The following PVT1 variants were observed in gnomAD, a reference collection of about 807,000 sequenced individuals.
The protein encoded by PVT1 is CXCR4/PVT1 fusion.
intron 3 of PVT1, among the ~76,000 whole-genome samples, chr8:127,901,846 C>A (rs968043524): frequency 1.3e-5 from 2 of 151,948 alleles, no homozygotes; most frequent in Non-Finnish European, 2.9e-5. Flanking sequence ...AAGCGATCCT[C>A]CTGCCTTGTT....
chr8:128,065,791 G>T (rs997615883), intron 4 of PVT1, among the ~76,000 whole-genome samples: 1 of 152,226 alleles, frequency 6.6e-6, no homozygotes, highest in African/African-American at 2.4e-5. Flanking sequence ...AGCCCACTGA[G>T]TTCCGACAAT....
chr8:127,925,863 A>G (rs1422294482), intron 3 of PVT1, among the ~76,000 whole-genome samples: 1 of 151,542 alleles, frequency 6.6e-6, no homozygotes, highest in Non-Finnish European at 1.5e-5. Flanking sequence ...CTGCTCTCGA[A>G]CTCCTGACCT....
chr8:127,890,998 G>A (rs1815594221), exon 3 of PVT1: 1 of 152,680 alleles, frequency 6.5e-6, no homozygotes, highest in Admixed American at 6.5e-5. Context: ...CTGGGCTTGA[G>A]GTGAGGCTGT....
intron 4 of PVT1, among the ~76,000 whole-genome samples, chr8:128,043,805 T>G (rs867142042): frequency 8.0e-6 from 1 of 124,324 alleles, no homozygotes; most frequent in Non-Finnish European, 1.6e-5. Context: ...CACACACACA[T>G]ACACAAGGAG....
chr8:127,816,991 G>C (rs1243305054), intron 2 of PVT1, among the ~76,000 whole-genome samples: 2 of 152,174 alleles, frequency 1.3e-5, no homozygotes, highest in African/African-American at 4.8e-5. Flanking sequence ...AAGGACATGT[G>C]AGTTGTTCGC....
At chr8:128,077,932 CAA>C (rs1213978059) in intron 5 of PVT1, among the ~76,000 whole-genome samples, 1 of 152,088 alleles carries the variant, frequency 6.6e-6, no homozygotes, top group East Asian at 1.9e-4. Flanking sequence ...GGGGTAGAAA[CAA>C]AAATAAATTT....
At chr8:127,830,535 T>C (rs1335183195) in intron 2 of PVT1, among the ~76,000 whole-genome samples, 1 of 151,872 alleles carries the variant, frequency 6.6e-6, no homozygotes, top group Non-Finnish European at 1.5e-5. Flanking sequence ...ATTGTGCCAA[T>C]AGGACTTGCA....
chr8:127,971,912 C>T lies in PVT1; in HGVS notation n.783-17250C>T, dbSNP rs12675767. ...GTAGAATGCTGGTCTTCGGACAGTC[C>T]GGCCAAGTGAGACTGTCAGGCAGAT... On this transcript the variant is annotated intron_variant and non_coding_transcript_variant, in intron 3 of 10. Coordinates refer to ENST00000651587, the Ensembl canonical transcript of PVT1. Among the ~76,000 whole-genome samples, 128 of 152,246 alleles carry T rather than the reference C, an allele frequency of 8.4e-4. No individual in the cohort carries two copies. In the East Asian group the frequency reaches 0.018, roughly 21 times the overall value.
At chr8:127,976,357 G>A (rs946288781) in intron 3 of PVT1, among the ~76,000 whole-genome samples, 1 of 152,176 alleles carries the variant, frequency 6.6e-6, no homozygotes, top group Non-Finnish European at 1.5e-5. Flanking sequence ...TAATAAACAA[G>A]AGGATGAATA....
chr8:128,074,386 G>A (rs1204582611), intron 5 of PVT1, among the ~76,000 whole-genome samples: 1 of 151,974 alleles, frequency 6.6e-6, no homozygotes, highest in Non-Finnish European at 1.5e-5. Context: ...AGTGGGGTGT[G>A]GTGGTGCATG....
At chr8:127,865,252 G>T (rs1586412750) in intron 2 of PVT1, among the ~76,000 whole-genome samples, 1 of 152,156 alleles carries the variant, frequency 6.6e-6, no homozygotes, top group Non-Finnish European at 1.5e-5. Context: ...AAGGTGGTAG[G>T]TGCCAATCTG....
At chr8:127,910,535 G>T (rs1005615100) in intron 3 of PVT1, among the ~76,000 whole-genome samples, 1 of 152,150 alleles carries the variant, frequency 6.6e-6, no homozygotes, top group Non-Finnish European at 1.5e-5. Context: ...ATCTCTGTGT[G>T]ATTGATAACT....
chr8:127,969,521 G>A (rs1359767089), intron 3 of PVT1, among the ~76,000 whole-genome samples: 3 of 152,104 alleles, frequency 2.0e-5, no homozygotes, highest in African/African-American at 4.8e-5. Flanking sequence ...CTGGGGGCTC[G>A]AGTCATCCTC....
chr8:127,817,808 C>T (rs28617188), intron 2 of PVT1, among the ~76,000 whole-genome samples: 1 of 151,370 alleles, frequency 6.6e-6, no homozygotes, highest in South Asian at 2.1e-4. Context: ...GGGAGAATTG[C>T]TTGAGCCTGG....
At chr8:128,060,785 T>C (rs1195219032) in intron 4 of PVT1, among the ~76,000 whole-genome samples, 1 of 152,226 alleles carries the variant, frequency 6.6e-6, no homozygotes, top group Non-Finnish European at 1.5e-5. Flanking sequence ...TTTGTTAAGA[T>C]ATAATTTACA....
rs16902457 is a variant in PVT1, at chr8:127,906,365, A to G, written n.782+15367A>G. 7.8e-3 allele frequency among the ~76,000 whole-genome samples: 1,185 copies of G among 152,276 alleles called. 31 individuals carry two copies. In the East Asian group the frequency reaches 0.098, roughly 13 times the overall value. On this transcript the variant is annotated intron_variant and non_coding_transcript_variant, in intron 3 of 10. Coordinates refer to ENST00000651587, the Ensembl canonical transcript of PVT1. ...TGCTCTCTAGTTAGCACCAAAATAAATCCTCCAAATGGCTTTGAGCCTTCC... is the reference window on the plus strand; with the variant it reads ...TGCTCTCTAGTTAGCACCAAAATAAGTCCTCCAAATGGCTTTGAGCCTTCC...
intron 3 of PVT1, among the ~76,000 whole-genome samples, chr8:127,959,270 T>A (rs1045378830): frequency 6.6e-6 from 1 of 152,180 alleles, no homozygotes; most frequent in African/African-American, 2.4e-5. Flanking sequence ...TTCTAAATAT[T>A]CTACACTCTG....
intron 4 of PVT1, among the ~76,000 whole-genome samples, chr8:128,035,318 C>T (rs777155989): frequency 7.5e-4 from 114 of 152,282 alleles, no homozygotes; most frequent in African/African-American, 2.5e-3. Flanking sequence ...TGGGGACTTC[C>T]GACCTCAAGC....
At chr8:127,998,729 T>C (rs1255159611) in intron 4 of PVT1, among the ~76,000 whole-genome samples, 1 of 148,704 alleles carries the variant, frequency 6.7e-6, no homozygotes, top group African/African-American at 2.5e-5. Context: ...CCTTTCTCCT[T>C]CCTTCCTTCC....
Sources: allele counts gnomAD v4.1 joint callset (sites outside exome capture counted in the v4.1 genomes callset), GRCh38; gene constraint gnomAD v4.1.1; transcripts MANE v1.5; gene names NCBI Gene and HGNC (gene_info 2026-07-23, HGNC 2026-07-21).